TLCD3A: variants seen among roughly 807,000 people sequenced by gnomAD.
The protein encoded by TLCD3A is TLC domain-containing protein 3A.
In TLCD3A, 17 loss-of-function variants were observed where a neutral mutation model predicts 29.9. The observed-to-expected ratio is 0.57, with a 90% CI of 0.39 to 0.85. TLCD3A has a LOEUF of 0.85. TLCD3A is among the 40% of genes least tolerant of loss of function. TLCD3A has a pLI of 0.00. For missense variants in TLCD3A, 332 were observed against 350.8 expected (o/e 0.95, Z 0.43); for synonymous variants, 143 against 147.7 (o/e 0.97, Z 0.23).
chr17:734,894 G>T (rs904701962), intron 2 of TLCD3A, among the ~76,000 whole-genome samples: 2 of 151,482 alleles, frequency 1.3e-5, no homozygotes, highest in African/African-American at 4.9e-5. Context: ...TGTCACCCAC[G>T]CTGGTCTGAA....
At chr17:733,323 C>G (rs1349148692) in intron 2 of TLCD3A, 142 bp downstream of exon 2, 1 of 748,556 alleles carries the variant, frequency 1.3e-6, no homozygotes, top group Non-Finnish European at 2.1e-6. Flanking sequence ...TCTCCGGAGT[C>G]TTCGGGCACC....
At chr17:735,113 C>A (rs547941401) in intron 2 of TLCD3A, among the ~76,000 whole-genome samples, 17 of 152,150 alleles carry the variant, frequency 1.1e-4, no homozygotes, top group Non-Finnish European at 2.5e-4. Context: ...ACCTCCACCT[C>A]CCAGGTTCAA....
rs1187597406 is a variant in TLCD3A, at chr17:732,828, C to T, written c.122+59C>T. On this transcript the variant is annotated intron_variant, in intron 1 of 4. Coordinates refer to ENST00000308278, the MANE Select transcript of TLCD3A (RefSeq NM_024792.3). ...GGGGCGCTGCCCACCGCACCCCACC[C>T]GGCCGCGGGGCCCAGGGCGGAAAAG... The T allele has an allele frequency of 1.9e-4, 264 of 1,387,164 alleles. 2 individuals carry two copies. The East Asian group carries it at 7.2e-3, about 38-fold the overall frequency. The allele number at this position is 1,387,164 out of a possible 1,614,324, so 85.9% of individuals were successfully genotyped here. A position where few individuals can be genotyped will look rare whatever the true frequency, so the allele number is the denominator to read the frequency against.
Position 738,094 on chromosome 17 carries a change from G to GTTTT in TLCD3A, c.408+48_408+49insTTTT, listed in dbSNP as rs200758501. ...GACCAGCAGCTGGGTTGAGCTGGGT[G>GTTTT]TCTTTTTTTTTTTTTTTTTCTGAGA... On this transcript the variant is annotated intron_variant, in intron 3 of 4. Coordinates refer to ENST00000308278, the MANE Select transcript of TLCD3A (RefSeq NM_024792.3). 5.4e-4 allele frequency: 232 copies of GTTTT among 428,856 alleles called. 1 individual carries two copies. In the African/African-American group the frequency reaches 7.2e-3, roughly 13 times the overall value. 26.6% of individuals were successfully genotyped at this position (428,856 alleles called of 1,614,324 possible). A position where few individuals can be genotyped will look rare whatever the true frequency, so the allele number is the denominator to read the frequency against.
At position 741,651 on chromosome 17, in the gene TLCD3A, A is replaced by G. The variant is rs2144125332; in HGVS notation, c.*81A>G. 6.6e-7 allele frequency: 1 copy of G among 1,518,708 alleles called. No homozygotes were observed. Among genetic ancestry groups the G allele is most frequent in the Non-Finnish European group, 8.9e-7 (1 of 1,123,426 alleles). The allele number at this position is 1,518,708 out of a possible 1,614,324, so 94.1% of individuals were successfully genotyped here. On this transcript the variant is annotated 3_prime_UTR_variant, in exon 5 of 5. Transcript: ENST00000308278. ...CCATGGACCAAATTGTGCCCTGGGT[A>G]GCCTCAGACTTTGGGTATTGATAAG...
intron 2 of TLCD3A, among the ~76,000 whole-genome samples, chr17:733,853 C>T (rs1462930551): frequency 6.6e-6 from 1 of 152,182 alleles, no homozygotes; most frequent in African/African-American, 2.4e-5. Flanking sequence ...ATCACACTCA[C>T]TTTCTCCCAA....
intron 2 of TLCD3A, among the ~76,000 whole-genome samples, chr17:735,195 G>C (rs369920668): frequency 2.6e-5 from 4 of 151,652 alleles, no homozygotes; most frequent in African/African-American, 9.7e-5. Flanking sequence ...GCTAATTTTT[G>C]TATATTTAGT....
At chr17:734,191 C>CT (rs55901312) in intron 2 of TLCD3A, among the ~76,000 whole-genome samples, 7 of 146,508 alleles carry the variant, frequency 4.8e-5, no homozygotes, top group Non-Finnish European at 7.5e-5. Flanking sequence ...TCTTCTTCTT[C>CT]TTTTTTTTTT....
At chr17:732,838 G>C in intron 1 of TLCD3A, 69 bp downstream of exon 1, 1 of 1,377,268 alleles carries the variant, frequency 7.3e-7, no homozygotes, top group Non-Finnish European at 9.3e-7. Context: ...CGGCCGCGGG[G>C]CCCAGGGCGG....
Position 741,979 on chromosome 17 carries a change from C to T in TLCD3A, c.*409C>T, listed in dbSNP as rs142307298. ...AGGACAGTACCCGTGGCACTGGGCC[C>T]GCAGAAGCAAGGGATGACTTGGTTC... On this transcript the variant is annotated 3_prime_UTR_variant, in exon 5 of 5. Coordinates refer to ENST00000308278, the MANE Select transcript of TLCD3A (RefSeq NM_024792.3). 1.7e-3 allele frequency: 358 copies of T among 207,358 alleles called. 3 individuals carry two copies. The highest frequency in any genetic ancestry group is 7.8e-3 in the African/African-American group (334 of 42,964). 12.8% of individuals were successfully genotyped at this position (207,358 alleles called of 1,614,324 possible). A position where few individuals can be genotyped will look rare whatever the true frequency, so the allele number is the denominator to read the frequency against.
At position 741,871 on chromosome 17, in the gene TLCD3A, G is replaced by A. The variant is rs1201511605; in HGVS notation, c.*301G>A. 1 of 422,318 alleles carries A rather than the reference G, an allele frequency of 2.4e-6. No homozygotes were observed. Among genetic ancestry groups the A allele is most frequent in the Admixed American group, 3.8e-5 (1 of 26,154 alleles). The allele number at this position is 422,318 out of a possible 1,614,324, so 26.2% of individuals were successfully genotyped here. A position where few individuals can be genotyped will look rare whatever the true frequency, so the allele number is the denominator to read the frequency against. ...AGAGCTCTGGGAGGTGGAAGCATGG[G>A]GTGGGATCGGTGGACCAGGGTGGTA... is the stretch of plus-strand genomic sequence containing the variant. On this transcript the variant is annotated 3_prime_UTR_variant, in exon 5 of 5. Coordinates refer to ENST00000308278, the MANE Select transcript of TLCD3A (RefSeq NM_024792.3).
chr17:740,630 G>A (rs1264546629), intron 4 of TLCD3A, 30 bp downstream of exon 4: 1 of 1,586,906 alleles, frequency 6.3e-7, no homozygotes, highest in Admixed American at 1.7e-5. Context: ...CAGAGAGTGT[G>A]AGGGTTCTGA....
In TLCD3A at chr17:740,532, T is replaced by C. The variant is rs146568806; in HGVS notation, c.436T>C (p.Phe146Leu). 3.7e-6 allele frequency: 6 copies of C among 1,613,952 alleles called. No individual in the cohort carries two copies. Among genetic ancestry groups the C allele is most frequent in the Non-Finnish European group, 4.2e-6 (5 of 1,179,962 alleles). Residue 146 changes from phenylalanine (F) to leucine (L), a missense_variant, in exon 4 of 5, where the codon TTT becomes CTT. Transcript: ENST00000308278. ...GCTCCGGGGAGACCTTGGGGACTTCTTTGTCGGCTGCATCTTCACGGCAGA... is the reference window on the plus strand; with the variant it reads ...GCTCCGGGGAGACCTTGGGGACTTCCTTGTCGGCTGCATCTTCACGGCAGA... ...QRLRGDLGDF[F>L]VGCIFTAELS...
At chr17:738,094 G>GTGTTTTT in intron 3 of TLCD3A, 47 bp downstream of exon 3, 1 of 428,610 alleles carries the variant, frequency 2.3e-6, no homozygotes, top group Non-Finnish European at 3.5e-6. Context: ...TGAGCTGGGT[G>GTGTTTTT]TCTTTTTTTT....
intron 3 of TLCD3A, 123 bp from the exon 4 acceptor site, chr17:740,382 C>T (rs576146182): frequency 1.1e-4 from 85 of 748,048 alleles, no homozygotes; most frequent in Admixed American, 3.2e-4. Context: ...CAGTAGTCTG[C>T]GCTTGCCTAT....
At chr17:738,823 T>A (rs2144118830) in intron 3 of TLCD3A, among the ~76,000 whole-genome samples, 1 of 152,160 alleles carries the variant, frequency 6.6e-6, no homozygotes, top group East Asian at 1.9e-4. Context: ...TGCCTAGGCC[T>A]CCCAAAGTGC....
At chr17:736,688 C>T (rs2078421007) in intron 2 of TLCD3A, among the ~76,000 whole-genome samples, 1 of 152,210 alleles carries the variant, frequency 6.6e-6, no homozygotes, top group African/African-American at 2.4e-5. Context: ...CGGAGTCTCA[C>T]TCTTTTGCCC....
chr17:740,574 G>GT lies in TLCD3A; in HGVS notation c.479dup (p.Ser161ValfsTer89). 6.2e-7 allele frequency: 1 copy of GT among 1,614,028 alleles called. No individual in the cohort carries two copies. Among genetic ancestry groups the GT allele is most frequent in the Non-Finnish European group, 8.5e-7 (1 of 1,179,956 alleles). ...CACGGCAGAACTGAGCACTCCGTTT[G>GT]TGTCGCTGGGCAGGGTTCTGATTCA... On this transcript the variant is annotated frameshift_variant, in exon 4 of 5. Transcript: ENST00000308278. LOFTEE classifies it high-confidence loss of function.
At position 740,574 on chromosome 17, in the gene TLCD3A, G is replaced by T; in HGVS notation, c.478G>T (p.Val160Leu). The change falls in exon 4 of 5, where the codon GTG (valine) becomes TTG (leucine). Residue 160 changes from valine to leucine, a missense_variant. Transcript: ENST00000308278. ...IFTAELSTPF[V>L]SLGRVLIQLK... ...CACGGCAGAACTGAGCACTCCGTTTGTGTCGCTGGGCAGGGTTCTGATTCA... is the reference window on the plus strand; with the variant it reads ...CACGGCAGAACTGAGCACTCCGTTTTTGTCGCTGGGCAGGGTTCTGATTCA... The T allele has an allele frequency of 1.2e-6, 2 of 1,614,028 alleles. No homozygotes were observed. Among genetic ancestry groups the T allele is most frequent in the Non-Finnish European group, 1.7e-6 (2 of 1,179,956 alleles).
Sources: allele counts gnomAD v4.1 joint callset (sites outside exome capture counted in the v4.1 genomes callset), GRCh38; gene constraint gnomAD v4.1.1; transcripts MANE v1.5; gene names NCBI Gene and HGNC (gene_info 2026-07-23, HGNC 2026-07-21).